The following PVT1 variants were observed in gnomAD, a reference collection of about 807,000 sequenced individuals.
PVT1 encodes CXCR4/PVT1 fusion.
At chr8:127,817,684 C>A (rs1169384761) in intron 2 of PVT1, among the ~76,000 whole-genome samples, 1 of 148,540 alleles carries the variant, frequency 6.7e-6, no homozygotes, top group Non-Finnish European at 1.5e-5. Flanking sequence ...GAGTGGGAAA[C>A]CAGCCTGGGC....
intron 3 of PVT1, among the ~76,000 whole-genome samples, chr8:127,955,287 G>T (rs1475826074): frequency 6.6e-6 from 1 of 152,104 alleles, no homozygotes; most frequent in Non-Finnish European, 1.5e-5. Context: ...ACACCCAACT[G>T]CCAACACCTT....
At chr8:127,850,907 T>C (rs1048081334) in intron 2 of PVT1, among the ~76,000 whole-genome samples, 1 of 151,400 alleles carries the variant, frequency 6.6e-6, no homozygotes, top group Non-Finnish European at 1.5e-5. Flanking sequence ...CTGGGGAGGC[T>C]GAGGCAGGAG....
intron 4 of PVT1, among the ~76,000 whole-genome samples, chr8:128,011,477 G>A (rs1486825707): frequency 6.6e-6 from 1 of 152,112 alleles, no homozygotes; most frequent in Non-Finnish European, 1.5e-5. Context: ...GCTACGTGAG[G>A]ACACAATGAG....
At chr8:127,956,805 C>T (rs774252132) in intron 3 of PVT1, among the ~76,000 whole-genome samples, 6 of 152,220 alleles carry the variant, frequency 3.9e-5, no homozygotes, top group Non-Finnish European at 7.3e-5. Context: ...TTGTAAGTCT[C>T]ATGTTTCTCT....
chr8:127,947,333 G>A (rs1383144136), intron 3 of PVT1: 6 of 231,736 alleles, frequency 2.6e-5, no homozygotes, highest in Middle Eastern at 3.4e-3. Context: ...GGAGTTGATG[G>A]AGGCAAAGAG....
chr8:128,074,542 G>T (rs1475866780), intron 5 of PVT1, among the ~76,000 whole-genome samples: 1 of 150,932 alleles, frequency 6.6e-6, no homozygotes, highest in Non-Finnish European at 1.5e-5. Flanking sequence ...AAAAAGGGGG[G>T]GGCTCCTTCC....
At chr8:128,098,686 G>A (rs1251334921) in intron 6 of PVT1, among the ~76,000 whole-genome samples, 1 of 152,204 alleles carries the variant, frequency 6.6e-6, no homozygotes, top group East Asian at 1.9e-4. Flanking sequence ...CACTTTGTAA[G>A]CACTCGGTGT....
chr8:127,896,854 A>C (rs887521832), intron 3 of PVT1, among the ~76,000 whole-genome samples: 21 of 142,884 alleles, frequency 1.5e-4, no homozygotes, highest in African/African-American at 5.4e-4. Flanking sequence ...CTTCATCTGC[A>C]AACCATAACA....
intron 3 of PVT1, among the ~76,000 whole-genome samples, chr8:127,893,800 G>A (rs907684855): frequency 1.3e-5 from 2 of 152,180 alleles, no homozygotes; most frequent in African/African-American, 4.8e-5. Context: ...AGACTTGAGA[G>A]TGAAAGGGGC....
chr8:128,071,709 A>AATAAATAAATAAATAC (rs1482735578), intron 5 of PVT1, among the ~76,000 whole-genome samples: 3 of 151,082 alleles, frequency 2.0e-5, no homozygotes, highest in African/African-American at 7.3e-5. Context: ...TAAATAAATA[A>AATAAATAAATAAATAC]ATAAATAAAT....
intron 3 of PVT1, among the ~76,000 whole-genome samples, chr8:127,914,624 C>G (rs1259260867): frequency 1.3e-5 from 2 of 152,144 alleles, no homozygotes; most frequent in African/African-American, 4.8e-5. Context: ...GACATTGATA[C>G]ATGTTACAAC....
chr8:127,873,512 A>G (rs1743297859), intron 2 of PVT1, among the ~76,000 whole-genome samples: 1 of 151,980 alleles, frequency 6.6e-6, no homozygotes. Context: ...GCTAATATCT[A>G]TTTCATGTTT....
At chr8:127,960,484 G>A (rs1816626896) in intron 3 of PVT1, 1 of 290,562 alleles carries the variant, frequency 3.4e-6, no homozygotes, top group Non-Finnish European at 7.3e-6. Flanking sequence ...GAGAAGTTAG[G>A]AATCGACCTT....
At chr8:128,099,605 T>A (rs1814475640) in intron 6 of PVT1, 1 of 152,228 alleles carries the variant, frequency 6.6e-6, no homozygotes, top group Admixed American at 6.5e-5. Flanking sequence ...ATTACTTTTA[T>A]ATTGCTCCGA....
chr8:127,871,537 C>T (rs1355183902), intron 2 of PVT1, among the ~76,000 whole-genome samples: 1 of 152,124 alleles, frequency 6.6e-6, no homozygotes, highest in African/African-American at 2.4e-5. Flanking sequence ...TGTCCTTAGG[C>T]AGAGTCCACC....
chr8:128,050,017 T>A (rs1216606322), intron 4 of PVT1, among the ~76,000 whole-genome samples: 1 of 152,130 alleles, frequency 6.6e-6, no homozygotes, highest in Non-Finnish European at 1.5e-5. Context: ...ATCACGTGAT[T>A]TGGAACTATA....
At chr8:127,869,846 C>T (rs906548307) in intron 2 of PVT1, among the ~76,000 whole-genome samples, 2 of 152,190 alleles carry the variant, frequency 1.3e-5, no homozygotes, top group African/African-American at 2.4e-5. Context: ...CTCTGTCACT[C>T]AGGAAGGAGT....
At chr8:127,812,103 C>A (rs531261607) in intron 2 of PVT1, among the ~76,000 whole-genome samples, 1 of 137,842 alleles carries the variant, frequency 7.3e-6, no homozygotes, top group Non-Finnish European at 1.5e-5. Context: ...GGTGAGACAT[C>A]GTCTCAAAAG....
At chr8:128,016,484 G>A (rs1817375488) in intron 4 of PVT1, among the ~76,000 whole-genome samples, 1 of 152,186 alleles carries the variant, frequency 6.6e-6, no homozygotes, top group South Asian at 2.1e-4. Context: ...TATCCCTTTG[G>A]AAATATGTGG....
Sources: allele counts gnomAD v4.1 joint callset (sites outside exome capture counted in the v4.1 genomes callset), GRCh38; gene constraint gnomAD v4.1.1; transcripts MANE v1.5; gene names NCBI Gene and HGNC (gene_info 2026-07-23, HGNC 2026-07-21).